The following ABCC8 variants were observed in gnomAD, a reference collection of about 807,000 sequenced individuals.
ABCC8 encodes ATP-binding cassette sub-family C member 8.
A neutral mutation model predicts 188.0 loss-of-function variants in ABCC8; 137 were observed. The ratio of observed to expected loss-of-function variants is 0.73; its 90% CI spans 0.63 to 0.84. The LOEUF is 0.84. Ranked by LOEUF, ABCC8 falls within the 40% of genes least tolerant of loss-of-function variation. The probability of loss-of-function intolerance (pLI) is 0.00; values close to 1 mark genes in which losing one functional copy is unlikely to be tolerated. For synonymous variants in ABCC8, 797 were observed against 846.5 expected, an observed-to-expected ratio of 0.94 and a Z score of 1.01; for missense variants, 1,750 against 2,072.7, an observed-to-expected ratio of 0.84 and a Z score of 3.02.
At chr11:17,474,841 C>T in intron 2 of ABCC8, 45 bp downstream of exon 2, 1 of 1,601,134 alleles carries the variant, frequency 6.2e-7, no homozygotes, top group Non-Finnish European at 8.6e-7. Flanking sequence ...TCAGGAAGTA[C>T]CCTGGAGCAG....
At chr11:17,393,188 A>G (rs557698456) in intron 38 of ABCC8, 60 bp from the exon 39 acceptor site, 1 of 1,606,400 alleles carries the variant, frequency 6.2e-7, no homozygotes, top group East Asian at 2.2e-5. Flanking sequence ...GGTGGGGGCC[A>G]CAGCTGAGGG....
At chr11:17,409,920 C>T (rs537979271) in intron 22 of ABCC8, among the ~76,000 whole-genome samples, 6 of 152,092 alleles carry the variant, frequency 3.9e-5, no homozygotes, top group Non-Finnish European at 7.4e-5. Flanking sequence ...AAGGCTCTGT[C>T]GCCCAGGCTG....
At chr11:17,428,053 C>T in intron 14 of ABCC8, 111 bp from the exon 15 acceptor site, 3 of 1,586,922 alleles carry the variant, frequency 1.9e-6, no homozygotes, top group Non-Finnish European at 2.6e-6. Flanking sequence ...CTGATTCCAG[C>T]CCCTGGATCA....
chr11:17,406,920 T>C lies in ABCC8; in HGVS notation c.3130A>G (p.Thr1044Ala), dbSNP rs1324814284. The C allele has an allele frequency of 6.2e-7, 1 of 1,613,750 alleles. No homozygotes were observed. The highest frequency in any genetic ancestry group is 1.1e-5 in the South Asian group (1 of 91,058). Residue 1044 changes from threonine (T) to alanine (A), a missense_variant, in exon 25 of 39, where the codon ACC becomes GCC. Thr to Ala is a moderately conservative substitution (Grantham distance 58, BLOSUM62 0). Coordinates refer to ENST00000389817, the MANE Select transcript of ABCC8 (RefSeq NM_000352.6). ...AKWTDSALTL[T>A]PAARNCSLSQ... The stretch of plus-strand genomic sequence containing the variant: ...AGGGAGCAGTTCCTGGCTGCAGGGG[T>C]CAGGGTCAGGGCGCTGTCGGTCCAC...
intron 26 of ABCC8, 79 bp downstream of exon 26, chr11:17,406,543 C>A: frequency 7.0e-7 from 1 of 1,433,574 alleles, no homozygotes; most frequent in Non-Finnish European, 9.5e-7. Context: ...TGTATATCCC[C>A]ATTTTATAGA....
chr11:17,440,773 C>T (rs1323079982), intron 10 of ABCC8, among the ~76,000 whole-genome samples: 2 of 152,236 alleles, frequency 1.3e-5, no homozygotes, highest in South Asian at 2.1e-4. Flanking sequence ...GGTTGGACTC[C>T]TGGGGTATTC....
chr11:17,432,451 C>T (rs1955891609), intron 10 of ABCC8: 5 of 1,097,572 alleles, frequency 4.6e-6, no homozygotes, highest in Non-Finnish European at 6.4e-6. Flanking sequence ...GTACCCCGGC[C>T]CCCGACTCTG....
intron 27 of ABCC8, among the ~76,000 whole-genome samples, 165 bp downstream of exon 27, chr11:17,405,329 G>C (rs1954461589): frequency 6.6e-6 from 1 of 152,232 alleles, no homozygotes; most frequent in African/African-American, 2.4e-5. Context: ...CTCCCACGAG[G>C]GAGGCCCCAG....
intron 2 of ABCC8, 30 bp downstream of exon 2, chr11:17,474,848 GCAGATTCA>G: frequency 6.2e-7 from 1 of 1,604,408 alleles, no homozygotes; most frequent in Non-Finnish European, 8.5e-7. Context: ...GTACCCTGGA[GCAGATTCA>G]CTTTCCTGAG....
intron 3 of ABCC8, among the ~76,000 whole-genome samples, 160 bp downstream of exon 3, chr11:17,469,941 C>A (rs1379831411): frequency 6.6e-6 from 1 of 152,192 alleles, no homozygotes; most frequent in African/African-American, 2.4e-5. Context: ...GTCTATCCTC[C>A]TTCACCAGAC....
At chr11:17,418,966 C>T (rs1955210505) in intron 16 of ABCC8, among the ~76,000 whole-genome samples, 1 of 152,156 alleles carries the variant, frequency 6.6e-6, no homozygotes, top group Non-Finnish European at 1.5e-5. Flanking sequence ...GCAAACAACT[C>T]ATCATCTCAT....
At chr11:17,446,661 G>T (rs200577354) in intron 8 of ABCC8, among the ~76,000 whole-genome samples, 109 of 152,272 alleles carry the variant, frequency 7.2e-4, no homozygotes, top group African/African-American at 2.5e-3. Context: ...TATAGTCATT[G>T]ATCTGTCTTG....
intron 3 of ABCC8, among the ~76,000 whole-genome samples, chr11:17,466,699 T>C (rs1389221715): frequency 2.0e-5 from 3 of 152,120 alleles, no homozygotes; most frequent in Non-Finnish European, 4.4e-5. Context: ...TGGAGTGCAG[T>C]GGCACAATCT....
At chr11:17,424,400 G>T (rs1488979593) in intron 16 of ABCC8, among the ~76,000 whole-genome samples, 1 of 152,190 alleles carries the variant, frequency 6.6e-6, no homozygotes, top group Non-Finnish European at 1.5e-5. Context: ...CTGGGCTGGG[G>T]CAGAGGTTTC....
At position 17,393,051 on chromosome 11, in the gene ABCC8, T is replaced by C; in HGVS notation, c.4686A>G (p.Pro1562=). 1 of 1,614,112 alleles carries C rather than the reference T, an allele frequency of 6.2e-7. No individual in the cohort carries two copies. The highest frequency in any genetic ancestry group is 1.1e-5 in the South Asian group (1 of 91,082). Residue 1562 remains proline (P), a synonymous_variant, in exon 39 of 39, where the codon CCA becomes CCG. Coordinates refer to ENST00000389817, the MANE Select transcript of ABCC8 (RefSeq NM_000352.6). The part of the protein sequence containing the change: ...KRGAILEFDK[P]EKLLSRKDSV... ...TGTCCTTCCGGCTGAGCAGCTTCTC[T>C]GGCTTATCGAACTCAAGGATGGCAC...
rs558290857 is a variant in ABCC8, at chr11:17,436,992, G to C, written c.1631-4748C>G. 9.5e-4 allele frequency among the ~76,000 whole-genome samples: 142 copies of C among 149,730 alleles called. 2 individuals are homozygous for C. The highest frequency in any genetic ancestry group is 9.4e-3 in the Admixed American group (140 of 14,910). On this transcript the variant is annotated intron_variant, in intron 10 of 38. Transcript: ENST00000389817. ...TGTAATCCTAGCTACTCGAGAGGCT[G>C]AGGCAGGAGAATCGCTTGAACCCAG...
intron 2 of ABCC8, among the ~76,000 whole-genome samples, chr11:17,473,543 CAG>C (rs1848593576): frequency 6.6e-6 from 1 of 152,082 alleles, no homozygotes; most frequent in African/African-American, 2.4e-5. Flanking sequence ...GATTCCAGCT[CAG>C]GGGGCGCTGG....
intron 9 of ABCC8, 131 bp from the exon 10 acceptor site, chr11:17,443,013 T>C (rs530364326): frequency 7.2e-6 from 11 of 1,531,282 alleles, no homozygotes; most frequent in Non-Finnish European, 8.9e-6. Flanking sequence ...TCCTCCCCCA[T>C]TGACTCCATT....
At chr11:17,423,455 G>GTGAGTCACA (rs1955443800) in intron 16 of ABCC8, among the ~76,000 whole-genome samples, 2 of 151,468 alleles carry the variant, frequency 1.3e-5, no homozygotes, top group South Asian at 4.2e-4. Flanking sequence ...CGCTCAACTG[G>GTGAGTCACA]GTGAGTGAAT....
Sources: gnomAD v4.1 joint callset for allele counts (sites outside exome capture counted in the v4.1 genomes callset) on GRCh38, gnomAD v4.1.1 for gene constraint, MANE v1.5 for transcripts, NCBI Gene and HGNC (gene_info 2026-07-23, HGNC 2026-07-21) for gene names.